Variants in ACOT13 observed in about 807,000 individuals in gnomAD.
The protein encoded by ACOT13 is acyl-CoA thioesterase 13.
Under a neutral mutation model 11.8 loss-of-function variants are expected in ACOT13, and 10 were observed. That is an observed-to-expected ratio of 0.85 (90% confidence interval 0.53 to 1.44). The LOEUF is 1.44. Ranked by LOEUF, ACOT13 falls within the 40% of genes most tolerant of loss-of-function variation. The pLI is 0.00. For synonymous variants in ACOT13, 53 were observed against 61.0 expected, an observed-to-expected ratio of 0.87 and a Z score of 0.61; for missense variants, 172 against 174.1, an observed-to-expected ratio of 0.99 and a Z score of 0.07.
In ACOT13 at chr6:24,685,642, G is replaced by A. The variant is rs6932212; in HGVS notation, c.82-12241G>A. On this transcript the variant is annotated intron_variant, in intron 1 of 2. Coordinates refer to ENST00000230048, the MANE Select transcript of ACOT13 (RefSeq NM_018473.4). ...ATTACAGGCGTAAGCCACCGCGCCC[G>A]GCCCTTTTACTGTACTTTTTAAGGT... 5.8e-3 allele frequency among the ~76,000 whole-genome samples: 886 copies of A among 152,134 alleles called. 7 individuals carry two copies. The highest frequency in any genetic ancestry group is 0.02 in the African/African-American group (843 of 41,514).
intron 2 of ACOT13, among the ~76,000 whole-genome samples, chr6:24,699,496 C>T (rs1778859473): frequency 6.6e-6 from 1 of 152,218 alleles, no homozygotes; most frequent in Non-Finnish European, 1.5e-5. Context: ...AGGCGTGAGC[C>T]ACCGCGCCCA....
At position 24,677,289 on chromosome 6, in the gene ACOT13, C is replaced by T. The variant is rs149694371; in HGVS notation, c.81+9945C>T. Among the ~76,000 whole-genome samples the T allele has an allele frequency of 1.2e-3, 189 of 152,306 alleles. 1 individual carries two copies. The highest frequency in any genetic ancestry group is 4.3e-3 in the African/African-American group (179 of 41,566). On this transcript the variant is annotated intron_variant, in intron 1 of 2. Transcript: ENST00000230048. ...GGCTGTGTTAAGAGTTGCACAAGTG[C>T]GCAGTCACACCACTGGCCCATCAAG...
At position 24,667,329 on chromosome 6, in the gene ACOT13, G is replaced by A; in HGVS notation, c.66G>A (p.Glu22=). 4 of 1,614,198 alleles carry A rather than the reference G, an allele frequency of 2.5e-6. No homozygotes were observed. Among genetic ancestry groups the A allele is most frequent in the Non-Finnish European group, 3.4e-6 (4 of 1,180,020 alleles). The change falls in exon 1 of 3, where the codon GAG becomes GAA. Residue 22 remains glutamate (E), a synonymous_variant. Transcript: ENST00000230048. ...IKAMTKARNF[E]RVLGKITLVS... ...CCATGACCAAGGCTCGCAATTTTGA[G>A]AGAGTTTTGGGAAAGGTATGGGAAA...
At chr6:24,674,905 C>T (rs1393511211) in intron 1 of ACOT13, among the ~76,000 whole-genome samples, 3 of 139,448 alleles carry the variant, frequency 2.2e-5, no homozygotes, top group Non-Finnish European at 3.1e-5. Flanking sequence ...CGACAGGCCC[C>T]GGTGTGTGAT....
intron 1 of ACOT13, among the ~76,000 whole-genome samples, chr6:24,685,537 A>G (rs978516097): frequency 1.3e-5 from 2 of 151,758 alleles, no homozygotes; most frequent in Non-Finnish European, 2.9e-5. Flanking sequence ...TAGTAGAGAC[A>G]GGGTTTCACC....
intron 2 of ACOT13, among the ~76,000 whole-genome samples, chr6:24,700,393 A>G (rs1361833895): frequency 6.6e-6 from 1 of 151,264 alleles, no homozygotes; most frequent in Non-Finnish European, 1.5e-5. Flanking sequence ...TGAATTAAAG[A>G]CAAGCCTGTT....
At chr6:24,678,382 A>G (rs1490114340) in intron 1 of ACOT13, among the ~76,000 whole-genome samples, 1 of 152,186 alleles carries the variant, frequency 6.6e-6, no homozygotes, top group African/African-American at 2.4e-5. Context: ...TCCACTGTCC[A>G]TTAGGTTTCT....
Position 24,703,919 on chromosome 6 carries a change from C to G in ACOT13, c.*2304C>G, listed in dbSNP as rs1302147826. Reference sequence around the variant, plus strand: ...AGTAACAATTTACAAGAAAAATTGCCCTGTACTCCAAAAAACATAGAGGTC... The same window carrying G: ...AGTAACAATTTACAAGAAAAATTGCGCTGTACTCCAAAAAACATAGAGGTC... On this transcript the variant is annotated 3_prime_UTR_variant, in exon 3 of 3. Transcript: ENST00000230048. 4.6e-5 allele frequency: 7 copies of G among 152,008 alleles called. No homozygotes were observed. The highest frequency in any genetic ancestry group is 1.7e-4 in the African/African-American group (7 of 41,374). The allele number at this position is 152,008 out of a possible 1,614,324, so 9.4% of individuals were successfully genotyped here.
chr6:24,695,524 C>A (rs781209868), intron 1 of ACOT13, among the ~76,000 whole-genome samples: 18 of 152,166 alleles, frequency 1.2e-4, no homozygotes, highest in Non-Finnish European at 2.4e-4. Flanking sequence ...TATCTTTACT[C>A]CAAGAAACCT....
At position 24,689,381 on chromosome 6, in the gene ACOT13, C is replaced by T. The variant is rs895589408; in HGVS notation, c.82-8502C>T. ...TTGGGCTGGAGGCTGCGCATGGTGG[C>T]GTGCCTTCTCCTTTTGGGTCACTTA... On this transcript the variant is annotated intron_variant, in intron 1 of 2. Coordinates refer to ENST00000230048, the MANE Select transcript of ACOT13 (RefSeq NM_018473.4). 2.3e-4 allele frequency among the ~76,000 whole-genome samples: 34 copies of T among 150,606 alleles called. 2 individuals are homozygous for T. Among genetic ancestry groups the T allele is most frequent in the Admixed American group, 1.8e-3 (28 of 15,202 alleles).
intron 1 of ACOT13, 106 bp downstream of exon 1, chr6:24,667,450 T>C (rs769812967): frequency 2.0e-6 from 2 of 993,694 alleles, no homozygotes; most frequent in Non-Finnish European, 3.1e-6. Flanking sequence ...TTAGGTTGTG[T>C]TCTAGTACGC....
chr6:24,690,462 C>T (rs1028506739), intron 1 of ACOT13, among the ~76,000 whole-genome samples: 5 of 152,190 alleles, frequency 3.3e-5, no homozygotes, highest in Admixed American at 3.3e-4. Context: ...GAGCACCCAC[C>T]TTTATAGGCA....
At chr6:24,699,911 G>A (rs940653565) in intron 2 of ACOT13, among the ~76,000 whole-genome samples, 2 of 152,220 alleles carry the variant, frequency 1.3e-5, no homozygotes, top group African/African-American at 4.8e-5. Flanking sequence ...GCCATCAAGA[G>A]CTGCCTACGC....
rs963986829 is a variant in ACOT13, at chr6:24,703,382, G to A, written c.*1767G>A. 1 of 150,874 alleles carries A rather than the reference G, an allele frequency of 6.6e-6. No homozygotes were observed. The highest frequency in any genetic ancestry group is 6.6e-5 in the Admixed American group (1 of 15,206). The allele number at this position is 150,874 out of a possible 1,614,324, so 9.3% of individuals were successfully genotyped here. ...CAGCAGTGAGCATACAGGAGTCCCA[G>A]ATGTTTACTTCTAGTATTTCCCACT... On this transcript the variant is annotated 3_prime_UTR_variant, in exon 3 of 3. Transcript: ENST00000230048.
chr6:24,699,295 C>G (rs1445336031), intron 2 of ACOT13, among the ~76,000 whole-genome samples: 1 of 151,028 alleles, frequency 6.6e-6, no homozygotes, highest in Non-Finnish European at 1.5e-5. Context: ...CTGCAAGCTC[C>G]GCCTCCCGGG....
At chr6:24,701,253 A>G (rs771133053) in intron 2 of ACOT13, 1 of 366,068 alleles carries the variant, frequency 2.7e-6, no homozygotes, top group Non-Finnish European at 4.8e-6. Context: ...TATTTGGGAA[A>G]AGAAACTTGT....
intron 1 of ACOT13, among the ~76,000 whole-genome samples, chr6:24,694,070 A>G (rs908203774): frequency 6.6e-6 from 1 of 152,210 alleles, no homozygotes; most frequent in Non-Finnish European, 1.5e-5. Context: ...ATAAGGCCAT[A>G]TATAAAAGGG....
At chr6:24,687,820 T>C in intron 1 of ACOT13, 1 of 978,834 alleles carries the variant, frequency 1.0e-6, no homozygotes, top group East Asian at 2.9e-5. Context: ...CAAGTATTTC[T>C]CCTGCTTCAG....
At chr6:24,695,136 C>G (rs1380867216) in intron 1 of ACOT13, among the ~76,000 whole-genome samples, 2 of 152,060 alleles carry the variant, frequency 1.3e-5, no homozygotes, top group Admixed American at 6.6e-5. Context: ...TGGCAAAACC[C>G]CATCTCTACT....
Sources: allele counts gnomAD v4.1 joint callset (sites outside exome capture counted in the v4.1 genomes callset), GRCh38; gene constraint gnomAD v4.1.1; transcripts MANE v1.5; gene names NCBI Gene and HGNC (gene_info 2026-07-23, HGNC 2026-07-21).